Variants in VTI1A observed in about 807,000 individuals in gnomAD.
VTI1A encodes vesicle transport through interaction with t-SNAREs 1A.
A neutral mutation model predicts 34.9 loss-of-function variants in VTI1A; 22 were observed. The observed-to-expected ratio is 0.63, with a 90% CI of 0.45 to 0.90. The LOEUF is 0.90. VTI1A is among the 40% of genes least tolerant of loss of function. The pLI is 0.00. For synonymous variants in VTI1A, 87 were observed against 97.3 expected (o/e 0.89, Z 0.62); for missense variants, 268 against 275.6 (o/e 0.97, Z 0.20).
intron 7 of VTI1A, among the ~76,000 whole-genome samples, chr10:112,727,320 C>A (rs1020673501): frequency 1.3e-5 from 2 of 152,116 alleles, no homozygotes; most frequent in Admixed American, 1.3e-4. Context: ...ATACCTAGAA[C>A]AAGGCATAGA....
intron 3 of VTI1A, among the ~76,000 whole-genome samples, chr10:112,488,062 A>G (rs1442159282): frequency 1.3e-5 from 2 of 152,218 alleles, no homozygotes; most frequent in East Asian, 3.8e-4. Flanking sequence ...TTATAAATAA[A>G]TTAAAAGAGT....
intron 3 of VTI1A, among the ~76,000 whole-genome samples, chr10:112,473,459 A>G (rs963412453): frequency 3.9e-5 from 6 of 151,968 alleles, no homozygotes; most frequent in African/African-American, 1.5e-4. Context: ...TTCCATTTCT[A>G]TATATTCTTG....
At chr10:112,771,673 A>G (rs1288790616) in intron 7 of VTI1A, among the ~76,000 whole-genome samples, 2 of 152,184 alleles carry the variant, frequency 1.3e-5, no homozygotes, top group Admixed American at 6.5e-5. Flanking sequence ...TATCACCTCA[A>G]AAAGAAACCC....
intron 3 of VTI1A, among the ~76,000 whole-genome samples, chr10:112,522,043 A>G (rs1285743207): frequency 2.0e-5 from 3 of 152,094 alleles, no homozygotes; most frequent in East Asian, 3.8e-4. Context: ...GATATTATTT[A>G]ATTAGAACCA....
intron 3 of VTI1A, among the ~76,000 whole-genome samples, chr10:112,518,651 G>GTAGA (rs1849892152): frequency 7.5e-6 from 1 of 134,122 alleles, no homozygotes. Context: ...GTATATACGT[G>GTAGA]TATATATATA....
chr10:112,798,785 G>C (rs953501455), intron 7 of VTI1A, among the ~76,000 whole-genome samples: 1 of 152,162 alleles, frequency 6.6e-6, no homozygotes, highest in Non-Finnish European at 1.5e-5. Flanking sequence ...TGTAAGTAGA[G>C]GCAACCCTAC....
At chr10:112,510,895 A>T (rs1849585017) in intron 3 of VTI1A, among the ~76,000 whole-genome samples, 2 of 152,206 alleles carry the variant, frequency 1.3e-5, no homozygotes, top group African/African-American at 2.4e-5. Flanking sequence ...ACACCATCAT[A>T]TGGGATAAAA....
At chr10:112,634,010 T>C (rs980270978) in intron 5 of VTI1A, among the ~76,000 whole-genome samples, 1 of 152,220 alleles carries the variant, frequency 6.6e-6, no homozygotes, top group Admixed American at 6.5e-5. Context: ...TTTCCCAGAG[T>C]AATAGAGCTT....
At chr10:112,737,375 T>G in intron 7 of VTI1A, 1 of 1,029,788 alleles carries the variant, frequency 9.7e-7, no homozygotes, top group Non-Finnish European at 1.2e-6. Context: ...TTAAATGAGC[T>G]GTGGATTATT....
chr10:112,540,858 G>A (rs74158734), intron 5 of VTI1A, among the ~76,000 whole-genome samples: 6,169 of 152,236 alleles, frequency 0.041, 430 homozygotes, highest in African/African-American at 0.14. Context: ...TGGAATGCAA[G>A]GAGGAAGAGA....
rs147452419 is a variant in VTI1A at position 112,558,758 on chromosome 10, C to T, written c.427+20428C>T. ...CAATTGAGAGACACACACTCTCTCT[C>T]GATTTTTCTTTAAGCATTGAAGCAG... is the stretch of plus-strand genomic sequence containing the variant. On this transcript the variant is annotated intron_variant, in intron 5 of 7. Transcript: ENST00000393077. 1.2e-3 allele frequency among the ~76,000 whole-genome samples: 176 copies of T among 152,254 alleles called. 3 individuals are homozygous for T. Among genetic ancestry groups the T allele is most frequent in the Admixed American group, 9.5e-3 (146 of 15,296 alleles).
chr10:112,499,181 A>C (rs762207228), intron 3 of VTI1A, among the ~76,000 whole-genome samples: 13 of 152,196 alleles, frequency 8.5e-5, no homozygotes, highest in Non-Finnish European at 1.5e-4. Context: ...TTGCAATACT[A>C]TGATAGATAT....
chr10:112,485,895 C>T (rs1011541037), intron 3 of VTI1A, among the ~76,000 whole-genome samples: 2 of 152,080 alleles, frequency 1.3e-5, no homozygotes, highest in African/African-American at 2.4e-5. Flanking sequence ...CTGTGGTGCT[C>T]CCATTTAAAT....
the VTI1A span, among the ~76,000 whole-genome samples, chr10:112,846,610 C>A: frequency 6.6e-6 from 1 of 151,866 alleles, no homozygotes; most frequent in Non-Finnish European, 1.5e-5. Context: ...ACTAAAAGTA[C>A]AAAAAATTAG....
chr10:112,753,633 C>G (rs1367053972), intron 7 of VTI1A, among the ~76,000 whole-genome samples: 1 of 152,130 alleles, frequency 6.6e-6, no homozygotes, highest in Non-Finnish European at 1.5e-5. Flanking sequence ...CTATTTTCCC[C>G]TGGTAAGGGA....
At chr10:112,470,912 C>T (rs1352573469) in intron 3 of VTI1A, among the ~76,000 whole-genome samples, 1 of 152,094 alleles carries the variant, frequency 6.6e-6, no homozygotes, top group African/African-American at 2.4e-5. Context: ...AATAAAAAAG[C>T]ATCAGACTTT....
intron 7 of VTI1A, among the ~76,000 whole-genome samples, chr10:112,744,850 C>T (rs1850837784): frequency 6.6e-6 from 1 of 152,180 alleles, no homozygotes; most frequent in South Asian, 2.1e-4. Context: ...CGTTCAGCAT[C>T]TTGTCTCATT....
intron 3 of VTI1A, among the ~76,000 whole-genome samples, chr10:112,503,776 A>G (rs576175508): frequency 3.7e-4 from 57 of 152,216 alleles, no homozygotes; most frequent in Admixed American, 1.6e-3. Context: ...TTCTGTTGTA[A>G]TCTCTTGGGC....
chr10:112,495,196 CTTT>C (rs751870581), intron 3 of VTI1A, among the ~76,000 whole-genome samples: 3 of 79,048 alleles, frequency 3.8e-5, no homozygotes, highest in Non-Finnish European at 5.0e-5. Flanking sequence ...CAGTAATGGT[CTTT>C]TTTTTTTTTT....
Sources: allele counts gnomAD v4.1 joint callset (sites outside exome capture counted in the v4.1 genomes callset), GRCh38; gene constraint gnomAD v4.1.1; transcripts MANE v1.5; gene names NCBI Gene and HGNC (gene_info 2026-07-23, HGNC 2026-07-21).